The following DEPDC4 variants were observed in gnomAD, a reference collection of about 807,000 sequenced individuals.
DEPDC4 encodes the protein DEP domain-containing protein 4.
In DEPDC4, 52 loss-of-function variants were observed where a neutral mutation model predicts 52.0. The observed-to-expected ratio is 1.00, with a 90% CI of 0.80 to 1.26. The LOEUF is 1.26. DEPDC4 is among the 50% of genes most tolerant of loss of function. The pLI, the probability that DEPDC4 is intolerant of heterozygous loss-of-function variation, is 0.00. For synonymous variants in DEPDC4, 201 were observed against 196.8 expected (o/e 1.02, Z -0.18); for missense variants, 530 against 546.9 (o/e 0.97, Z 0.31).
chr12:100,261,902 A>C, intron 3 of DEPDC4: 1 of 410,326 alleles, frequency 2.4e-6, no homozygotes, highest in South Asian at 1.8e-5. Context: ...GAGTAGGTAA[A>C]GCACAGAGAA....
intron 4 of DEPDC4, 57 bp downstream of exon 4, chr12:100,255,992 G>T: frequency 7.6e-7 from 1 of 1,311,628 alleles, no homozygotes; most frequent in Non-Finnish European, 1.1e-6. Flanking sequence ...AATACTAAGG[G>T]CAAATATGTG....
Position 100,255,964 on chromosome 12 carries a change from T to C in DEPDC4, c.878+85A>G, listed in dbSNP as rs989127270. ...AGATAGTATAAGCTTATAACATGAA[T>C]ATTTTCTCACATCCTAAAATACTAA... On this transcript the variant is annotated intron_variant, in intron 4 of 9. Transcript: ENST00000550587. 3 of 978,828 alleles carry C rather than the reference T, an allele frequency of 3.1e-6. No homozygotes were observed. The African/African-American group carries it at 4.9e-5, about 16-fold the overall frequency. The allele number at this position is 978,828 out of a possible 1,614,324, so 60.6% of individuals were successfully genotyped here.
chr12:100,244,163 T>C (rs2096174931), intron 8 of DEPDC4, among the ~76,000 whole-genome samples: 3 of 140,840 alleles, frequency 2.1e-5, no homozygotes, highest in African/African-American at 7.8e-5. Context: ...TACAATTTTA[T>C]TTTATGGTTT....
intron 9 of DEPDC4, among the ~76,000 whole-genome samples, chr12:100,232,751 C>T (rs527374938): frequency 8.5e-5 from 13 of 152,208 alleles, no homozygotes; most frequent in South Asian, 4.1e-4. Context: ...GGCGTGGTGG[C>T]GCATGCCTGT....
At chr12:100,268,823 C>T (rs1182594664), upstream of DEPDC4, among the ~76,000 whole-genome samples, 2 of 152,244 alleles carry the variant, frequency 1.3e-5, no homozygotes, top group Non-Finnish European at 2.9e-5. Context: ...GGTAGCATCA[C>T]TATCCATTCC....
Position 100,262,254 on chromosome 12 carries a change from A to G in DEPDC4, c.700+10T>C. On this transcript the variant is annotated intron_variant, in intron 3 of 9. Coordinates refer to ENST00000550587, the MANE Select transcript of DEPDC4 (RefSeq NM_001364818.2). ...TACCATGTTCTGAAAAAATAATGAA[A>G]ACAAATTACCTTCTTTTGAAAGCCG... 6.3e-7 allele frequency: 1 copy of G among 1,597,588 alleles called. No individual in the cohort carries two copies.
At chr12:100,277,023 A>G in the DEPDC4 span, among the ~76,000 whole-genome samples, 1 of 152,064 alleles carries the variant, frequency 6.6e-6, no homozygotes, top group African/African-American at 2.4e-5. Flanking sequence ...AGCGTTGATT[A>G]ATTTCCATAT....
intron 3 of DEPDC4, 78 bp downstream of exon 3, chr12:100,262,186 A>C: frequency 6.9e-7 from 1 of 1,457,546 alleles, no homozygotes; most frequent in Non-Finnish European, 9.2e-7. Flanking sequence ...CGTGACCTTG[A>C]AACTGCTTAT....
chr12:100,266,854 C>G, intron 1 of DEPDC4, 66 bp downstream of exon 1: 9 of 1,543,092 alleles, frequency 5.8e-6, no homozygotes, highest in Non-Finnish European at 7.9e-6. Flanking sequence ...AGAGTCCCAG[C>G]CGCCTGCTCC....
downstream of DEPDC4, among the ~76,000 whole-genome samples, chr12:100,238,634 C>T (rs1427953254): frequency 1.3e-5 from 2 of 151,378 alleles, no homozygotes; most frequent in African/African-American, 2.4e-5. Context: ...TATAGGCACC[C>T]ACCACTGTAC....
At chr12:100,269,473 T>G (rs2096284876), upstream of DEPDC4, among the ~76,000 whole-genome samples, 2 of 152,128 alleles carry the variant, frequency 1.3e-5, no homozygotes, top group Admixed American at 1.3e-4. Context: ...TAATTAGATG[T>G]TCCTCATCTC....
intron 9 of DEPDC4, 57 bp downstream of exon 9, chr12:100,242,429 C>A (rs150183236): frequency 1.3e-5 from 2 of 151,126 alleles, no homozygotes; most frequent in Non-Finnish European, 2.9e-5. Flanking sequence ...ATACTCAACT[C>A]TCTACTCGGA....
intron 1 of DEPDC4, among the ~76,000 whole-genome samples, chr12:100,264,277 T>C (rs2096264226): frequency 6.6e-6 from 1 of 152,226 alleles, no homozygotes; most frequent in South Asian, 2.1e-4. Flanking sequence ...CTCTTTGCCT[T>C]TTCTTTTTTC....
At chr12:100,231,647 T>C (rs2096135118) in intron 9 of DEPDC4, among the ~76,000 whole-genome samples, 1 of 152,206 alleles carries the variant, frequency 6.6e-6, no homozygotes, top group Admixed American at 6.5e-5. Context: ...TCTTTGTCAA[T>C]TTTAATGTTT....
At chr12:100,264,045 T>C (rs1422411582) in intron 1 of DEPDC4, 152 bp from the exon 2 acceptor site, 2 of 725,582 alleles carry the variant, frequency 2.8e-6, no homozygotes, top group Non-Finnish European at 4.4e-6. Flanking sequence ...AACTATAGTA[T>C]ATTTACTAAG....
the DEPDC4 span, among the ~76,000 whole-genome samples, chr12:100,276,613 C>T: frequency 5.6e-3 from 857 of 152,288 alleles, 8 homozygotes; most frequent in African/African-American, 0.02. Flanking sequence ...GTTGGGATTA[C>T]AAGCATGAGT....
intron 1 of DEPDC4, 74 bp downstream of exon 1, chr12:100,266,846 A>C: frequency 2.0e-6 from 3 of 1,517,968 alleles, no homozygotes; most frequent in Admixed American, 1.9e-5. Flanking sequence ...TGAGGAGCAG[A>C]GTCCCAGCCG....
At chr12:100,238,701 G>A (rs1285318289), downstream of DEPDC4, among the ~76,000 whole-genome samples, 1 of 151,572 alleles carries the variant, frequency 6.6e-6, no homozygotes, top group Non-Finnish European at 1.5e-5. Flanking sequence ...GTGCAGGCTG[G>A]TCTTGGAACT....
At chr12:100,256,638 GTTT>G (rs1298534553) in intron 3 of DEPDC4, among the ~76,000 whole-genome samples, 10 of 130,040 alleles carry the variant, frequency 7.7e-5, no homozygotes, top group Non-Finnish European at 1.7e-4. Flanking sequence ...TTTGTTTTGT[GTTT>G]TTTGTTTTTT....
Sources: gnomAD v4.1 joint callset for allele counts (sites outside exome capture counted in the v4.1 genomes callset) on GRCh38, gnomAD v4.1.1 for gene constraint, MANE v1.5 for transcripts, NCBI Gene and HGNC (gene_info 2026-07-23, HGNC 2026-07-21) for gene names.